Variants in ZBTB7C observed in about 807,000 individuals in gnomAD.
ZBTB7C encodes the protein zinc finger and BTB domain-containing protein 7C.
Under a neutral mutation model 25.7 loss-of-function variants are expected in ZBTB7C, and 8 were observed. That is an observed-to-expected ratio of 0.31 (90% CI 0.18 to 0.56). The LOEUF (loss-of-function observed/expected upper bound fraction) is 0.56, where lower values mean the gene tolerates loss of function less well. Ranked by LOEUF, ZBTB7C falls within the 20% of genes least tolerant of loss-of-function variation. The pLI, the probability that ZBTB7C is intolerant of heterozygous loss-of-function variation, is 0.91. For synonymous variants in ZBTB7C, 394 were observed against 369.0 expected (o/e 1.07, Z -0.78); for missense variants, 824 against 855.2 (o/e 0.96, Z 0.46).
At chr18:48,140,623 C>T (rs2040311107) in intron 3 of ZBTB7C, among the ~76,000 whole-genome samples, 1 of 152,150 alleles carries the variant, frequency 6.6e-6, no homozygotes, top group Non-Finnish European at 1.5e-5. Context: ...AGGGTAATGA[C>T]TCTTCCTGAA....
At chr18:48,249,370 T>A (rs1469171470) in intron 2 of ZBTB7C, among the ~76,000 whole-genome samples, 3 of 152,116 alleles carry the variant, frequency 2.0e-5, no homozygotes, top group Non-Finnish European at 4.4e-5. Flanking sequence ...ATGGCCAACA[T>A]TAAGGGGAAT....
intron 2 of ZBTB7C, among the ~76,000 whole-genome samples, chr18:48,237,453 TCCAAAAGG>T: frequency 6.6e-6 from 1 of 151,826 alleles, no homozygotes; most frequent in South Asian, 2.1e-4. Flanking sequence ...GGTACAAAAA[TCCAAAAGG>T]CCAATAAATA....
intron 1 of ZBTB7C, among the ~76,000 whole-genome samples, chr18:48,386,695 C>G (rs1356417347): frequency 6.6e-6 from 1 of 152,162 alleles, no homozygotes; most frequent in Non-Finnish European, 1.5e-5. Context: ...CACACATTGC[C>G]CCGTCTCTGC....
intron 3 of ZBTB7C, among the ~76,000 whole-genome samples, chr18:48,087,138 A>T (rs1395798953): frequency 6.6e-6 from 1 of 152,200 alleles, no homozygotes; most frequent in Non-Finnish European, 1.5e-5. Context: ...CCAGCACTGG[A>T]TCCTCAGCCT....
intron 2 of ZBTB7C, among the ~76,000 whole-genome samples, chr18:48,245,092 G>GTGTATATATATATATA (rs1555723392): frequency 5.1e-4 from 65 of 126,300 alleles, no homozygotes; most frequent in Middle Eastern, 4.1e-3. Flanking sequence ...GTGTGTGTGT[G>GTGTATATATATATATA]TATATATATA....
chr18:48,159,911 C>T (rs2040949918), intron 3 of ZBTB7C, among the ~76,000 whole-genome samples: 1 of 152,164 alleles, frequency 6.6e-6, no homozygotes, highest in Non-Finnish European at 1.5e-5. Context: ...GCTGTGGTCT[C>T]TTCACACAGT....
intron 3 of ZBTB7C, chr18:48,041,589 G>GACTT (rs920793744): frequency 7.2e-6 from 7 of 977,484 alleles, no homozygotes; most frequent in Non-Finnish European, 8.5e-6. Flanking sequence ...TTCTGTAACA[G>GACTT]ACTTACACTT....
At chr18:48,313,019 C>T (rs1046935255) in intron 2 of ZBTB7C, among the ~76,000 whole-genome samples, 2 of 152,190 alleles carry the variant, frequency 1.3e-5, no homozygotes, top group Admixed American at 1.3e-4. Flanking sequence ...TATTCCCATG[C>T]CTGATTATGG....
chr18:48,329,740 A>G (rs1354899479), intron 2 of ZBTB7C, among the ~76,000 whole-genome samples: 1 of 152,226 alleles, frequency 6.6e-6, no homozygotes, highest in Non-Finnish European at 1.5e-5. Flanking sequence ...GGTCAGTAAG[A>G]CAGGCAATCT....
chr18:48,310,025 C>A (rs1248726769), intron 2 of ZBTB7C, among the ~76,000 whole-genome samples: 1 of 152,080 alleles, frequency 6.6e-6, no homozygotes, highest in African/African-American at 2.4e-5. Context: ...GTCAGGAGAT[C>A]AAGACCATCC....
At chr18:48,390,078 C>T (rs1011741698) in intron 1 of ZBTB7C, among the ~76,000 whole-genome samples, 1 of 152,180 alleles carries the variant, frequency 6.6e-6, no homozygotes, top group South Asian at 2.1e-4. Context: ...AACGAAGGAG[C>T]ATCTGCTGGC....
intron 3 of ZBTB7C, chr18:48,137,303 C>T (rs2040202505): frequency 1.0e-6 from 1 of 985,440 alleles, no homozygotes; most frequent in East Asian, 1.1e-4. Flanking sequence ...CTTTATGACA[C>T]CAAATTAAGA....
At chr18:48,253,839 T>A (rs2043941116) in intron 2 of ZBTB7C, among the ~76,000 whole-genome samples, 1 of 152,206 alleles carries the variant, frequency 6.6e-6, no homozygotes. Context: ...TAAGCATTAG[T>A]CAGGCTGTGC....
At chr18:48,311,232 C>CGTG (rs2045811349) in intron 2 of ZBTB7C, among the ~76,000 whole-genome samples, 1 of 152,170 alleles carries the variant, frequency 6.6e-6, no homozygotes, top group Non-Finnish European at 1.5e-5. Flanking sequence ...CCTGCCTGCC[C>CGTG]GTGGTGGGAG....
At chr18:48,195,879 T>C (rs1340452975) in intron 2 of ZBTB7C, among the ~76,000 whole-genome samples, 1 of 152,220 alleles carries the variant, frequency 6.6e-6, no homozygotes, top group African/African-American at 2.4e-5. Context: ...TTCTTTTTTT[T>C]TGCAACAGTA....
chr18:48,290,622 A>G (rs16949039), intron 2 of ZBTB7C, among the ~76,000 whole-genome samples: 12,292 of 152,246 alleles, frequency 0.081, 583 homozygotes, highest in African/African-American at 0.12. Flanking sequence ...CCCTGGGCAG[A>G]CAACAGGATC....
chr18:48,071,709 T>C (rs1169183885), intron 3 of ZBTB7C, among the ~76,000 whole-genome samples: 1 of 152,238 alleles, frequency 6.6e-6, no homozygotes, highest in Non-Finnish European at 1.5e-5. Flanking sequence ...CATAGCATTA[T>C]TCACACTAGC....
intron 2 of ZBTB7C, among the ~76,000 whole-genome samples, chr18:48,304,179 T>A (rs2045611399): frequency 6.6e-6 from 1 of 152,218 alleles, no homozygotes; most frequent in Admixed American, 6.5e-5. Flanking sequence ...TAAGCCCAGC[T>A]GCCTGCTTCT....
chr18:48,052,875 AT>A (rs1568179272), intron 3 of ZBTB7C, among the ~76,000 whole-genome samples: 1 of 152,194 alleles, frequency 6.6e-6, no homozygotes, highest in Non-Finnish European at 1.5e-5. Context: ...AGATCCTTGG[AT>A]TCTGAGGTCA....
Sources: gnomAD v4.1 joint callset for allele counts (sites outside exome capture counted in the v4.1 genomes callset) on GRCh38, gnomAD v4.1.1 for gene constraint, MANE v1.5 for transcripts, NCBI Gene and HGNC (gene_info 2026-07-23, HGNC 2026-07-21) for gene names.